Variants in CBLB observed in about 807,000 individuals in gnomAD.
The protein encoded by CBLB is E3 ubiquitin-protein ligase CBL-B.
In CBLB, 31 loss-of-function variants were observed where a neutral mutation model predicts 104.9. The ratio of observed to expected loss-of-function variants is 0.30; its 90% CI spans 0.22 to 0.40. CBLB has a LOEUF of 0.40. Ranked by LOEUF, CBLB falls within the 10% of genes least tolerant of loss-of-function variation. The probability of loss-of-function intolerance (pLI) is 1.00; values close to 1 mark genes in which losing one functional copy is unlikely to be tolerated. For synonymous variants in CBLB, 440 were observed against 422.6 expected, an observed-to-expected ratio of 1.04 and a Z score of -0.51; for missense variants, 1,062 against 1,214.6, an observed-to-expected ratio of 0.87 and a Z score of 1.87.
At chr3:105,849,697 T>C (rs1041863172) in intron 3 of CBLB, among the ~76,000 whole-genome samples, 3 of 152,062 alleles carry the variant, frequency 2.0e-5, no homozygotes, top group Non-Finnish European at 2.9e-5. Context: ...TTACATCCAA[T>C]TAAAACACTG....
intron 4 of CBLB, among the ~76,000 whole-genome samples, chr3:105,770,227 AC>A (rs1050520527): frequency 1.3e-5 from 2 of 152,114 alleles, no homozygotes; most frequent in African/African-American, 2.4e-5. Context: ...GAATCCACAG[AC>A]CCTGTGAAAG....
chr3:105,819,257 G>C (rs957421367), intron 3 of CBLB, among the ~76,000 whole-genome samples: 7 of 152,240 alleles, frequency 4.6e-5, no homozygotes, highest in Non-Finnish European at 7.4e-5. Context: ...GAGGCCAAGG[G>C]GGGTGGATCC....
At chr3:105,760,814 T>C (rs1385927176) in intron 4 of CBLB, among the ~76,000 whole-genome samples, 5 of 152,110 alleles carry the variant, frequency 3.3e-5, no homozygotes, top group African/African-American at 1.2e-4. Context: ...ATTAAATCCA[T>C]CAAAAAGTCC....
Position 105,655,677 on chromosome 3 carries a change from A to T in CBLB, c.*3293T>A, listed in dbSNP as rs1278055757. On this transcript the variant is annotated 3_prime_UTR_variant, in exon 19 of 19. Transcript: ENST00000394030. ...CACTCTATTGGTGTCTTTGTCTGGA[A>T]AACTTTCCCAGAATCACTAAAATTC... 2 of 198,248 alleles carry T rather than the reference A, an allele frequency of 1.0e-5. No individual in the cohort carries two copies. The allele number at this position is 198,248 out of a possible 1,614,324, so 12.3% of individuals were successfully genotyped here. A position where few individuals can be genotyped will look rare whatever the true frequency, so the allele number is the denominator to read the frequency against.
chr3:105,803,594 T>C (rs1228532569), intron 3 of CBLB, among the ~76,000 whole-genome samples: 1 of 152,208 alleles, frequency 6.6e-6, no homozygotes, highest in Admixed American at 6.5e-5. Context: ...TGAGCCCCAC[T>C]CTCTATCCTC....
At chr3:105,710,034 A>T (rs1435834086) in intron 10 of CBLB, among the ~76,000 whole-genome samples, 1 of 151,898 alleles carries the variant, frequency 6.6e-6, no homozygotes, top group Non-Finnish European at 1.5e-5. Context: ...TCTTTGGGTC[A>T]CTAGCTTTTT....
At chr3:105,741,095 G>GTTT (rs66493673) in intron 6 of CBLB, among the ~76,000 whole-genome samples, 58,224 of 107,198 alleles carry the variant, frequency 0.54, 17,217 homozygotes, top group South Asian at 0.63. Context: ...AAAAATTAGG[G>GTTT]TTTTTTTTTT....
At chr3:105,867,372 A>G in intron 2 of CBLB, 38 bp downstream of exon 2, 1 of 1,580,006 alleles carries the variant, frequency 6.3e-7, no homozygotes, top group Admixed American at 1.7e-5. Context: ...AGACAAAGTG[A>G]ATAGTGTTTC....
intron 3 of CBLB, among the ~76,000 whole-genome samples, chr3:105,844,301 C>G (rs191458020): frequency 2.0e-5 from 3 of 152,300 alleles, no homozygotes; most frequent in African/African-American, 7.2e-5. Flanking sequence ...GTTTAAGCCA[C>G]CCAGTATGTG....
At chr3:105,705,761 T>C (rs902735361) in intron 10 of CBLB, among the ~76,000 whole-genome samples, 3 of 152,190 alleles carry the variant, frequency 2.0e-5, no homozygotes, top group African/African-American at 7.2e-5. Context: ...CTTCCCATAG[T>C]ATACTCTTTG....
chr3:105,748,459 C>T (rs1030855706), intron 5 of CBLB, among the ~76,000 whole-genome samples: 1 of 152,130 alleles, frequency 6.6e-6, no homozygotes, highest in Non-Finnish European at 1.5e-5. Flanking sequence ...CCTGCTACCC[C>T]CAAATGTAGT....
At chr3:105,776,983 G>A (rs2079555207) in intron 3 of CBLB, among the ~76,000 whole-genome samples, 1 of 152,152 alleles carries the variant, frequency 6.6e-6, no homozygotes, top group South Asian at 2.1e-4. Context: ...AAGACCTGGA[G>A]AGGAGAGAAA....
At chr3:105,806,329 G>A (rs543689267) in intron 3 of CBLB, among the ~76,000 whole-genome samples, 32 of 151,964 alleles carry the variant, frequency 2.1e-4, no homozygotes, top group Admixed American at 9.8e-4. Flanking sequence ...AAACTTAACC[G>A]TATTTACCAC....
intron 5 of CBLB, among the ~76,000 whole-genome samples, chr3:105,747,983 G>A (rs2076268410): frequency 6.6e-6 from 1 of 152,168 alleles, no homozygotes; most frequent in African/African-American, 2.4e-5. Context: ...GTAATAGAAT[G>A]AGTCTGTGTA....
At chr3:105,757,239 C>T (rs2077164960) in intron 4 of CBLB, among the ~76,000 whole-genome samples, 1 of 152,006 alleles carries the variant, frequency 6.6e-6, no homozygotes, top group Admixed American at 6.6e-5. Flanking sequence ...AATAAATAAT[C>T]AAATGAATAG....
At chr3:105,861,937 C>T (rs559452138) in intron 2 of CBLB, among the ~76,000 whole-genome samples, 147 of 152,244 alleles carry the variant, frequency 9.7e-4, no homozygotes, top group African/African-American at 3.4e-3. Flanking sequence ...GTTTGGTTTT[C>T]TCTACTTGAA....
intron 3 of CBLB, among the ~76,000 whole-genome samples, chr3:105,809,052 C>A (rs942432292): frequency 2.6e-5 from 4 of 152,138 alleles, no homozygotes; most frequent in African/African-American, 9.7e-5. Flanking sequence ...GCTACCTGCA[C>A]GCACCCATCT....
intron 17 of CBLB, chr3:105,671,804 C>T: frequency 5.1e-6 from 1 of 195,426 alleles, no homozygotes; most frequent in East Asian, 8.1e-5. Context: ...AACTTGTTTT[C>T]ATTAATTTCA....
chr3:105,751,498 T>C lies in CBLB; in HGVS notation c.687A>G (p.Ser229=). The C allele has an allele frequency of 6.2e-7, 1 of 1,611,814 alleles. No individual in the cohort carries two copies. Among genetic ancestry groups the C allele is most frequent in the Non-Finnish European group, 8.5e-7 (1 of 1,178,046 alleles). Reference sequence around the variant, plus strand: ...TGGTAAAAATATCAAATTCAAAAACTGAAATGTAATCATTGCAAGTTAAAT... The same window carrying C: ...TGGTAAAAATATCAAATTCAAAAACCGAAATGTAATCATTGCAAGTTAAAT... ...TIDLTCNDYI[S]VFEFDIFTRL... Residue 229 remains serine, a synonymous_variant, in exon 5 of 19, where the codon TCA becomes TCG. Coordinates refer to ENST00000394030, the MANE Select transcript of CBLB (RefSeq NM_170662.5).
Sources: gnomAD v4.1 joint callset for allele counts (sites outside exome capture counted in the v4.1 genomes callset) on GRCh38, gnomAD v4.1.1 for gene constraint, MANE v1.5 for transcripts, NCBI Gene and HGNC (gene_info 2026-07-23, HGNC 2026-07-21) for gene names.